NETO1: variants seen among roughly 807,000 people sequenced by gnomAD.
The protein encoded by NETO1 is neuropilin and tolloid like 1.
A neutral mutation model predicts 61.3 loss-of-function variants in NETO1; 26 were observed. That is an observed-to-expected ratio of 0.42 (90% CI 0.31 to 0.59). NETO1 has a LOEUF of 0.59. Ranked by LOEUF, NETO1 falls within the 20% of genes least tolerant of loss-of-function variation. The pLI, the probability that NETO1 is intolerant of heterozygous loss-of-function variation, is 0.12. For missense variants in NETO1, 531 were observed against 662.8 expected (o/e 0.80, Z 2.18); for synonymous variants, 225 against 225.8 (o/e 1.00, Z 0.03).
chr18:72,859,071 G>C lies in NETO1; in HGVS notation c.224C>G (p.Ala75Gly), dbSNP rs746434480. ...DRECIYIIEA[A>G]PRQCIELYFD... The stretch of plus-strand genomic sequence containing the variant: ...GTAAAGTTCAATGCACTGTCTTGGA[G>C]CGGCTGTAAAGAAGAAAGATTGTGT... The change falls in exon 4 of 11, where the codon GCT (alanine) becomes GGT (glycine). Residue 75 changes from alanine (A) to glycine (G), a missense_variant. Coordinates refer to ENST00000327305, the MANE Select transcript of NETO1 (RefSeq NM_138966.5). 2.5e-6 allele frequency: 4 copies of C among 1,594,174 alleles called. No individual in the cohort carries two copies. Among genetic ancestry groups the C allele is most frequent in the Non-Finnish European group, 3.4e-6 (4 of 1,171,456 alleles).
At chr18:72,865,836 G>A (rs1301668516) in intron 1 of NETO1, 4 of 656,592 alleles carry the variant, frequency 6.1e-6, no homozygotes, top group African/African-American at 3.7e-5. Context: ...GAACCTCCAA[G>A]TAACCCCGTC....
intron 4 of NETO1, among the ~76,000 whole-genome samples, chr18:72,849,232 T>C (rs1205386297): frequency 1.3e-5 from 2 of 152,218 alleles, no homozygotes; most frequent in Non-Finnish European, 2.9e-5. Flanking sequence ...CATAATGTTC[T>C]GCTTTTTTAT....
chr18:72,750,950 A>G (rs1377896398), intron 8 of NETO1, among the ~76,000 whole-genome samples: 1 of 147,322 alleles, frequency 6.8e-6, no homozygotes, highest in Non-Finnish European at 1.5e-5. Flanking sequence ...GGTTAAGAAA[A>G]TATTTTAAAA....
chr18:72,801,653 A>T (rs1029060996), intron 4 of NETO1, among the ~76,000 whole-genome samples: 1 of 152,188 alleles, frequency 6.6e-6, no homozygotes, highest in African/African-American at 2.4e-5. Flanking sequence ...TTATTCTTAA[A>T]CTTCAAAATG....
At chr18:72,779,878 G>T (rs2071679436) in intron 7 of NETO1, among the ~76,000 whole-genome samples, 1 of 152,208 alleles carries the variant, frequency 6.6e-6, no homozygotes, top group Non-Finnish European at 1.5e-5. Flanking sequence ...CCGAGATCAA[G>T]GTGCTGGCAG....
chr18:72,842,261 G>C (rs2073957980), intron 4 of NETO1, among the ~76,000 whole-genome samples: 1 of 152,064 alleles, frequency 6.6e-6, no homozygotes, highest in South Asian at 2.1e-4. Flanking sequence ...CATCGATTGA[G>C]GGAATTATTT....
At chr18:72,748,481 T>C (rs553978055) in intron 10 of NETO1, among the ~76,000 whole-genome samples, 47 of 152,220 alleles carry the variant, frequency 3.1e-4, no homozygotes, top group Middle Eastern at 6.8e-3. Context: ...TGACTTAACA[T>C]GCTGCATTTA....
At chr18:72,799,484 A>G (rs1032006477) in intron 4 of NETO1, among the ~76,000 whole-genome samples, 3 of 152,216 alleles carry the variant, frequency 2.0e-5, no homozygotes, top group African/African-American at 7.2e-5. Context: ...TTGTGTCTGT[A>G]TATGCATGAA....
intron 1 of NETO1, chr18:72,867,047 G>C (rs1005118887): frequency 8.6e-6 from 4 of 465,036 alleles, no homozygotes; most frequent in Admixed American, 4.3e-5. Flanking sequence ...ACCGTTCTCC[G>C]GCAGGTTTTG....
intron 6 of NETO1, among the ~76,000 whole-genome samples, chr18:72,785,155 G>C (rs921652290): frequency 1.3e-5 from 2 of 152,072 alleles, no homozygotes; most frequent in Non-Finnish European, 2.9e-5. Context: ...ATAAACTAAA[G>C]ACATGGCATT....
intron 4 of NETO1, among the ~76,000 whole-genome samples, chr18:72,818,351 T>A (rs1446501118): frequency 6.6e-6 from 1 of 152,166 alleles, no homozygotes; most frequent in Non-Finnish European, 1.5e-5. Context: ...ATTGACAGTA[T>A]CACATAAAAC....
chr18:72,762,125 A>G (rs1266628277), intron 7 of NETO1, among the ~76,000 whole-genome samples: 2 of 151,882 alleles, frequency 1.3e-5, no homozygotes, highest in Non-Finnish European at 2.9e-5. Flanking sequence ...AGGGTGGGAG[A>G]TTATTAACAT....
intron 4 of NETO1, among the ~76,000 whole-genome samples, chr18:72,824,793 C>T (rs2073324209): frequency 6.6e-6 from 1 of 151,954 alleles, no homozygotes; most frequent in Admixed American, 6.6e-5. Context: ...GCACCAGAAT[C>T]ACTTGAACCT....
intron 1 of NETO1, chr18:72,866,911 A>C (rs978592685): frequency 3.2e-5 from 16 of 506,536 alleles, no homozygotes; most frequent in African/African-American, 4.0e-5. Flanking sequence ...CTCTGGCCCC[A>C]CTAGGTATCA....
At chr18:72,799,547 G>A (rs912334886) in intron 4 of NETO1, among the ~76,000 whole-genome samples, 2 of 152,214 alleles carry the variant, frequency 1.3e-5, no homozygotes, top group African/African-American at 4.8e-5. Context: ...CTTGGTCAAA[G>A]GTAGGGAATG....
rs958429156 is a variant in NETO1 at position 72,867,246 on chromosome 18, G to A, written c.28+18C>T. 9 of 1,538,876 alleles carry A rather than the reference G, an allele frequency of 5.8e-6. No individual in the cohort carries two copies. Among genetic ancestry groups the A allele is most frequent in the African/African-American group, 1.4e-5 (1 of 71,228 alleles). On this transcript the variant is annotated intron_variant, in intron 1 of 10. Coordinates refer to ENST00000327305, the MANE Select transcript of NETO1 (RefSeq NM_138966.5). Reference sequence around the variant, plus strand: ...GCTGGCTCCGGGAGCGCACGGGCGCGGCGGGGAGGGTACTCACTGTGAAGC... The same window carrying A: ...GCTGGCTCCGGGAGCGCACGGGCGCAGCGGGGAGGGTACTCACTGTGAAGC...
Position 72,864,948 on chromosome 18 carries a change from G to A in NETO1, c.83-3C>T. The stretch of plus-strand genomic sequence containing the variant: ...TGTTTCTGAGGTGGTTTGCTTTTCT[G>A]TTAAAAAAAAAAAAAAGTTTTAAAA... On this transcript the variant is annotated splice_polypyrimidine_tract_variant and splice_region_variant and intron_variant, in intron 2 of 10. Transcript: ENST00000327305. 6.5e-7 allele frequency: 1 copy of A among 1,531,622 alleles called. No homozygotes were observed. Among genetic ancestry groups the A allele is most frequent in the Non-Finnish European group, 8.7e-7 (1 of 1,150,440 alleles). 94.9% of individuals were successfully genotyped at this position (1,531,622 alleles called of 1,614,324 possible).
intron 4 of NETO1, among the ~76,000 whole-genome samples, chr18:72,820,888 G>A (rs1433524116): frequency 1.3e-5 from 2 of 152,112 alleles, no homozygotes; most frequent in Admixed American, 6.5e-5. Context: ...CTTGTCAGCT[G>A]CAACTCTTGG....
At chr18:72,794,650 C>G (rs1363655801) in intron 4 of NETO1, among the ~76,000 whole-genome samples, 1 of 152,010 alleles carries the variant, frequency 6.6e-6, no homozygotes, top group Non-Finnish European at 1.5e-5. Context: ...AATTTTTTTT[C>G]TAATGCCTTT....
Sources: allele counts gnomAD v4.1 joint callset (sites outside exome capture counted in the v4.1 genomes callset), GRCh38; gene constraint gnomAD v4.1.1; transcripts MANE v1.5; gene names NCBI Gene and HGNC (gene_info 2026-07-23, HGNC 2026-07-21).